Variants in NNT observed in about 807,000 individuals in gnomAD.
NNT encodes NAD(P) transhydrogenase, mitochondrial.
A neutral mutation model predicts 104.8 loss-of-function variants in NNT; 50 were observed. That is an observed-to-expected ratio of 0.48 (90% CI 0.38 to 0.60). The LOEUF (loss-of-function observed/expected upper bound fraction) is 0.60. NNT is among the 20% of genes least tolerant of loss of function. The pLI is 0.00. For missense variants in NNT, 1,131 were observed against 1,330.7 expected, an observed-to-expected ratio of 0.85 and a Z score of 2.33; for synonymous variants, 461 against 490.4, an observed-to-expected ratio of 0.94 and a Z score of 0.79.
chr5:43,612,372 C>T (rs1260451081), intron 2 of NNT, among the ~76,000 whole-genome samples: 4 of 152,162 alleles, frequency 2.6e-5, no homozygotes, highest in Non-Finnish European at 5.9e-5. Flanking sequence ...GATCCCTTGT[C>T]TAAGTGGCTG....
chr5:43,628,406 G>C lies in NNT; in HGVS notation c.964+19G>C. On this transcript the variant is annotated intron_variant, in intron 7 of 21. Coordinates refer to ENST00000344920, the MANE Select transcript of NNT (RefSeq NM_182977.3). ...ATTCCAGGTATGCCATTAAGTAAAC[G>C]GTTATTTTAAAAGCACTTTTACTCT... 3 of 1,526,646 alleles carry C rather than the reference G, an allele frequency of 2.0e-6. No homozygotes were observed. Among genetic ancestry groups the C allele is most frequent in the Non-Finnish European group, 2.6e-6 (3 of 1,137,210 alleles). 94.6% of individuals were successfully genotyped at this position (1,526,646 alleles called of 1,614,324 possible).
chr5:43,667,170 G>C, intron 17 of NNT: 1 of 1,478,840 alleles, frequency 6.8e-7, no homozygotes, highest in African/African-American at 1.4e-5. Context: ...GGGGTTTCTT[G>C]ATACCATTTC....
At chr5:43,700,291 G>A in intron 20 of NNT, 54 bp downstream of exon 20, 1 of 1,279,136 alleles carries the variant, frequency 7.8e-7, no homozygotes, top group Non-Finnish European at 1.1e-6. Flanking sequence ...GAATAAAGCA[G>A]TGCAGGTGTG....
At chr5:43,703,356 A>G (rs992926962) in intron 21 of NNT, among the ~76,000 whole-genome samples, 1 of 152,212 alleles carries the variant, frequency 6.6e-6, no homozygotes, top group African/African-American at 2.4e-5. Context: ...ATCATAACAT[A>G]ATGTACATTT....
chr5:43,686,827 G>C lies in NNT; in HGVS notation c.2876+9021G>C, dbSNP rs16873473. ...CAAACTACATCACTTAAATCCCTCA[G>C]TAGTCCTCTGAGGAGATTTTATTAT... On this transcript the variant is annotated intron_variant, in intron 19 of 21. Coordinates refer to ENST00000344920, the MANE Select transcript of NNT (RefSeq NM_182977.3). 9.3e-3 allele frequency among the ~76,000 whole-genome samples: 1,411 copies of C among 152,184 alleles called. 14 individuals are homozygous for C. The highest frequency in any genetic ancestry group is 0.032 in the African/African-American group (1,322 of 41,548).
intron 19 of NNT, among the ~76,000 whole-genome samples, chr5:43,688,885 T>A (rs574177845): frequency 6.6e-6 from 1 of 152,234 alleles, no homozygotes; most frequent in South Asian, 2.1e-4. Flanking sequence ...GTATAATGAA[T>A]TCTTTTCCTC....
intron 19 of NNT, among the ~76,000 whole-genome samples, chr5:43,683,237 T>G (rs1741815139): frequency 6.6e-6 from 1 of 152,228 alleles, no homozygotes; most frequent in Admixed American, 6.5e-5. Flanking sequence ...GTATGTGCAT[T>G]CACTCACATC....
At chr5:43,677,580 G>C (rs1741485708) in intron 18 of NNT, 145 bp from the exon 19 acceptor site, 1 of 642,438 alleles carries the variant, frequency 1.6e-6, no homozygotes, top group East Asian at 2.8e-5. Flanking sequence ...TAAAAGCCCA[G>C]CTTATAAATT....
Position 43,705,128 on chromosome 5 carries a change from T to G in NNT, c.*724T>G, listed in dbSNP as rs1436410357. The G allele has an allele frequency of 6.6e-6, 1 of 152,194 alleles. No homozygotes were observed. Among genetic ancestry groups the G allele is most frequent in the Admixed American group, 6.6e-5 (1 of 15,266 alleles). The allele number at this position is 152,194 out of a possible 1,614,324, so 9.4% of individuals were successfully genotyped here. On this transcript the variant is annotated 3_prime_UTR_variant, in exon 22 of 22. Transcript: ENST00000344920. ...TATTTTTGAAGATCCCATTTCTAAT[T>G]GGAGATCTCTTTAATTTCGATCAAC...
chr5:43,646,250 A>G (rs1032158603), intron 10 of NNT, among the ~76,000 whole-genome samples: 9 of 152,192 alleles, frequency 5.9e-5, no homozygotes, highest in East Asian at 5.8e-4. Flanking sequence ...TATAGAAAGC[A>G]TTTTAAATGC....
In NNT at chr5:43,665,757, C is replaced by CG. The variant is rs1463972278; in HGVS notation, c.2634+6411dup. 1.6e-5 allele frequency among the ~76,000 whole-genome samples: 2 copies of CG among 125,652 alleles called. 1 individual carries two copies. The highest frequency in any genetic ancestry group is 3.8e-5 in the Non-Finnish European group (2 of 52,162). 82.4% of individuals were successfully genotyped at this position (125,652 alleles called of 152,430 possible). A position where few individuals can be genotyped will look rare whatever the true frequency, so the allele number is the denominator to read the frequency against. On this transcript the variant is annotated intron_variant, in intron 17 of 21. Coordinates refer to ENST00000344920, the MANE Select transcript of NNT (RefSeq NM_182977.3). ...GGAGCTGTTGGGTACACCTCCCAGA[C>CG]GGGGTGGTGGCCGGGCAGAGGGGCT...
At chr5:43,626,116 C>A (rs1182699277) in intron 6 of NNT, among the ~76,000 whole-genome samples, 1 of 151,606 alleles carries the variant, frequency 6.6e-6, no homozygotes, top group Non-Finnish European at 1.5e-5. Context: ...AGCCCTCTAT[C>A]CATGTTCTAT....
At position 43,626,517 on chromosome 5, in the gene NNT, A is replaced by G. The variant is rs539961815; in HGVS notation, c.777-1683A>G. Among the ~76,000 whole-genome samples the G allele has an allele frequency of 2.7e-3, 418 of 152,216 alleles. 2 individuals are homozygous for G. Among genetic ancestry groups the G allele is most frequent in the African/African-American group, 9.9e-3 (410 of 41,562 alleles). ...AATATTGGAATCAAAAGATATACAC[A>G]TTTTAAATGCTAATATGTTATAATG... On this transcript the variant is annotated intron_variant, in intron 6 of 21. Transcript: ENST00000344920.
chr5:43,666,341 G>A (rs1253045735), intron 17 of NNT, among the ~76,000 whole-genome samples: 6 of 152,162 alleles, frequency 3.9e-5, no homozygotes, highest in African/African-American at 1.2e-4. Flanking sequence ...CTGCAACCCC[G>A]GCACCTTGGG....
At chr5:43,637,538 G>A (rs777562366) in intron 7 of NNT, among the ~76,000 whole-genome samples, 3 of 152,050 alleles carry the variant, frequency 2.0e-5, no homozygotes, top group Non-Finnish European at 2.9e-5. Context: ...TTAACAGAAC[G>A]TAGTCCAGTT....
chr5:43,635,811 A>G (rs1262323060), intron 7 of NNT, among the ~76,000 whole-genome samples: 2 of 151,918 alleles, frequency 1.3e-5, no homozygotes, highest in Admixed American at 6.6e-5. Flanking sequence ...ACCCTAATAG[A>G]CTCATTTTAA....
At chr5:43,651,546 C>G (rs995511640) in intron 12 of NNT, among the ~76,000 whole-genome samples, 193 bp from the exon 13 acceptor site, 1 of 151,950 alleles carries the variant, frequency 6.6e-6, no homozygotes, top group South Asian at 2.1e-4. Context: ...TCACTGCACC[C>G]TAGCCTGGTC....
At chr5:43,619,176 G>T (rs1749941684) in intron 5 of NNT, 57 bp downstream of exon 5, 2 of 992,384 alleles carry the variant, frequency 2.0e-6, no homozygotes, top group Non-Finnish European at 2.9e-6. Context: ...GAAAGGGTAT[G>T]TATAGTCTTA....
chr5:43,631,725 A>C (rs1297806707), intron 7 of NNT, among the ~76,000 whole-genome samples: 1 of 152,148 alleles, frequency 6.6e-6, no homozygotes, highest in East Asian at 1.9e-4. Context: ...TCTCCCCATA[A>C]TATTTTATTT....
Sources: allele counts gnomAD v4.1 joint callset (sites outside exome capture counted in the v4.1 genomes callset), GRCh38; gene constraint gnomAD v4.1.1; transcripts MANE v1.5; gene names NCBI Gene and HGNC (gene_info 2026-07-23, HGNC 2026-07-21).